The following UBASH3B variants were observed in gnomAD, a reference collection of about 807,000 sequenced individuals.
The protein encoded by UBASH3B is ubiquitin-associated and SH3 domain-containing protein B.
Under a neutral mutation model 83.4 loss-of-function variants are expected in UBASH3B, and 37 were observed. The observed-to-expected ratio is 0.44, with a 90% CI of 0.34 to 0.58. The LOEUF is 0.58. UBASH3B is among the 20% of genes least tolerant of loss of function. UBASH3B has a pLI of 0.01. For missense variants in UBASH3B, 657 were observed against 827.2 expected (o/e 0.79, Z 2.52); for synonymous variants, 304 against 318.3 (o/e 0.96, Z 0.48).
At chr11:122,713,053 A>G (rs1365277912) in intron 1 of UBASH3B, among the ~76,000 whole-genome samples, 3 of 151,266 alleles carry the variant, frequency 2.0e-5, no homozygotes, top group Admixed American at 6.6e-5. Context: ...GACTACAGGC[A>G]CCCGCCACCA....
chr11:122,730,060 T>C (rs1292064378), intron 1 of UBASH3B, among the ~76,000 whole-genome samples: 3 of 130,966 alleles, frequency 2.3e-5, no homozygotes, highest in South Asian at 5.0e-4. Flanking sequence ...CCGAGGCAGG[T>C]GGATCACTTG....
At chr11:122,763,901 G>A (rs941424859) in intron 1 of UBASH3B, among the ~76,000 whole-genome samples, 3 of 152,216 alleles carry the variant, frequency 2.0e-5, no homozygotes, top group Admixed American at 6.5e-5. Context: ...GCAAGACTTC[G>A]GAGATGAGAT....
chr11:122,740,591 G>C (rs1190085392), intron 1 of UBASH3B, among the ~76,000 whole-genome samples: 2 of 152,168 alleles, frequency 1.3e-5, no homozygotes, highest in African/African-American at 4.8e-5. Flanking sequence ...CTGATGCTTA[G>C]AGAGGTTGGA....
chr11:122,690,258 A>T (rs866541082), intron 1 of UBASH3B, among the ~76,000 whole-genome samples: 430 of 128,202 alleles, frequency 3.4e-3, no homozygotes, highest in Non-Finnish European at 5.3e-3. Flanking sequence ...ATATCCAATT[A>T]TATATATATA....
intron 4 of UBASH3B, among the ~76,000 whole-genome samples, chr11:122,779,999 C>T (rs1192208447): frequency 6.6e-6 from 1 of 152,120 alleles, no homozygotes; most frequent in African/African-American, 2.4e-5. Context: ...TTTGTAGCAC[C>T]ACCATCTCCT....
In UBASH3B at chr11:122,794,262, G is replaced by A. The variant is rs544961996; in HGVS notation, c.981-440G>A. The stretch of plus-strand genomic sequence containing the variant: ...GCCGTATCGCCCGGGCTGGAGTGCA[G>A]TGGTGCGATCTTGGCTCACTACAAC... On this transcript the variant is annotated intron_variant, in intron 6 of 13. Coordinates refer to ENST00000284273, the MANE Select transcript of UBASH3B (RefSeq NM_032873.5). 2.6e-5 allele frequency among the ~76,000 whole-genome samples: 4 copies of A among 152,222 alleles called. No homozygotes were observed. In the East Asian group the frequency reaches 5.8e-4, roughly 22 times the overall value.
intron 1 of UBASH3B, among the ~76,000 whole-genome samples, chr11:122,663,266 C>T (rs574914589): frequency 3.3e-5 from 5 of 152,304 alleles, no homozygotes; most frequent in African/African-American, 7.2e-5. Flanking sequence ...CATAAGCCAC[C>T]GCGCCTGGCC....
intron 1 of UBASH3B, among the ~76,000 whole-genome samples, chr11:122,767,224 G>A (rs1338849702): frequency 6.6e-6 from 1 of 150,650 alleles, no homozygotes; most frequent in African/African-American, 2.4e-5. Context: ...GTCACAGTGA[G>A]TGAGAATGCA....
At chr11:122,772,348 T>A (rs1370525965) in intron 1 of UBASH3B, among the ~76,000 whole-genome samples, 1 of 152,198 alleles carries the variant, frequency 6.6e-6, no homozygotes, top group African/African-American at 2.4e-5. Context: ...ACCTTCCTCC[T>A]CTTTGTACAT....
rs200764117 is a variant in UBASH3B, at chr11:122,777,154, G to A, written c.346G>A (p.Gly116Arg). 19 of 1,613,882 alleles carry A rather than the reference G, an allele frequency of 1.2e-5. No homozygotes were observed. Among genetic ancestry groups the A allele is most frequent in the Non-Finnish European group, 1.4e-5 (17 of 1,179,982 alleles). Residue 116 changes from glycine to arginine, a missense_variant, in exon 3 of 14, where the codon GGG (glycine) becomes AGG (arginine). Transcript: ENST00000284273. ...TTGGCAGCAGTCGAAGCAGATCTGC[G>A]GGAAGAACAAGGCACACAACATCTT... ...DFWQQSKQIC[G>R]KNKAHNIFPH...
chr11:122,803,378 G>A (rs917901876), intron 11 of UBASH3B, among the ~76,000 whole-genome samples: 3 of 152,188 alleles, frequency 2.0e-5, no homozygotes, highest in Non-Finnish European at 2.9e-5. Context: ...TGAGAGCCGG[G>A]GTAGTGTGAA....
Position 122,688,987 on chromosome 11 carries a change from G to C in UBASH3B, c.161+32777G>C, listed in dbSNP as rs945292001. Among the ~76,000 whole-genome samples the C allele has an allele frequency of 3.2e-4, 49 of 151,138 alleles. No individual in the cohort carries two copies. In the East Asian group the frequency reaches 8.4e-3, roughly 26 times the overall value. On this transcript the variant is annotated intron_variant, in intron 1 of 13. Transcript: ENST00000284273. ...AGAGACGGCGGGGAGGCGGGGGGGG[G>C]GGGGGTTCCACCATATTGGCCAGGC... is the stretch of plus-strand genomic sequence containing the variant.
chr11:122,712,296 C>T (rs1037239298), intron 1 of UBASH3B, among the ~76,000 whole-genome samples: 1 of 152,130 alleles, frequency 6.6e-6, no homozygotes. Context: ...GCCATATTGT[C>T]CTCAAAGTCC....
intron 1 of UBASH3B, among the ~76,000 whole-genome samples, chr11:122,683,743 TTG>T (rs57305276): frequency 0.099 from 9,816 of 98,962 alleles, 450 homozygotes; most frequent in South Asian, 0.22. Flanking sequence ...TAAAAAAAAA[TTG>T]TGTGTGTGTG....
chr11:122,745,621 T>C (rs746875517), intron 1 of UBASH3B, among the ~76,000 whole-genome samples: 32 of 152,202 alleles, frequency 2.1e-4, no homozygotes, highest in Non-Finnish European at 3.4e-4. Flanking sequence ...ACAAAGATAT[T>C]ATTGACCCAC....
Position 122,766,322 on chromosome 11 carries a change from G to A in UBASH3B, c.162-9897G>A, listed in dbSNP as rs1021681770. ...AGCACTTTGGGAGGCTGAGGTGGGCGGATCACGAGGTCAGGAGATCGAGAC... is the reference window on the plus strand; with the variant it reads ...AGCACTTTGGGAGGCTGAGGTGGGCAGATCACGAGGTCAGGAGATCGAGAC... On this transcript the variant is annotated intron_variant, in intron 1 of 13. Transcript: ENST00000284273. 8.5e-5 allele frequency among the ~76,000 whole-genome samples: 13 copies of A among 152,256 alleles called. 1 individual carries two copies. The highest frequency in any genetic ancestry group is 3.4e-3 in the Middle Eastern group (1 of 294).
intron 1 of UBASH3B, among the ~76,000 whole-genome samples, chr11:122,722,805 A>G (rs1860663182): frequency 6.6e-6 from 1 of 151,374 alleles, no homozygotes; most frequent in Non-Finnish European, 1.5e-5. Flanking sequence ...TCCCAGGTGC[A>G]TGCCATTCTC....
At position 122,777,061 on chromosome 11, in the gene UBASH3B, C is replaced by T. The variant is rs558203123; in HGVS notation, c.253C>T (p.Pro85Ser). Residue 85 changes from proline to serine, a missense_variant, in exon 3 of 14, where the codon CCC becomes TCC. By Grantham distance (74) the Pro-to-Ser change is moderately conservative. This residue lies in a region of UBASH3B where 573 missense variants were observed against 739.0 expected (regional missense o/e 0.78). Coordinates refer to ENST00000284273, the MANE Select transcript of UBASH3B (RefSeq NM_032873.5). ...SHVGDPFLDD[P>S]LPREYVLYLR... is the part of the protein sequence containing the mutation. ...TGTCGGTGACCCCTTCCTGGATGAC[C>T]CCCTGCCCCGGGAGTACGTCCTCTA... 6.2e-7 allele frequency: 1 copy of T among 1,613,278 alleles called. No individual in the cohort carries two copies. The highest frequency in any genetic ancestry group is 2.2e-5 in the East Asian group (1 of 44,816).
chr11:122,787,661 C>T (rs367854846), intron 5 of UBASH3B, among the ~76,000 whole-genome samples: 1 of 152,152 alleles, frequency 6.6e-6, no homozygotes, highest in Non-Finnish European at 1.5e-5. Context: ...AAGGATGTGA[C>T]GTGGGAGATC....
Sources: allele counts gnomAD v4.1 joint callset (sites outside exome capture counted in the v4.1 genomes callset), GRCh38; gene constraint gnomAD v4.1.1; regional missense constraint gnomAD v4.1.1; transcripts MANE v1.5; gene names NCBI Gene and HGNC (gene_info 2026-07-23, HGNC 2026-07-21).